Variants in PTPRD observed in about 807,000 individuals in gnomAD.
The protein encoded by PTPRD is receptor-type tyrosine-protein phosphatase delta.
In PTPRD, 34 loss-of-function variants were observed where a neutral mutation model predicts 214.5. The ratio of observed to expected loss-of-function variants is 0.16; its 90% CI spans 0.12 to 0.21. The LOEUF is 0.21. Ranked by LOEUF, PTPRD falls within the 10% of genes least tolerant of loss-of-function variation. PTPRD has a pLI of 1.00. For synonymous variants in PTPRD, 1,128 were observed against 845.7 expected, an observed-to-expected ratio of 1.33 and a Z score of -5.79; for missense variants, 2,545 against 2,398.7, an observed-to-expected ratio of 1.06 and a Z score of -1.27.
intron 5 of PTPRD, among the ~76,000 whole-genome samples, chr9:9,774,064 C>T (rs991304628): frequency 6.6e-6 from 1 of 152,170 alleles, no homozygotes; most frequent in Admixed American, 6.5e-5. Flanking sequence ...TCTGCCTTTG[C>T]ACTAAGGTCT....
At chr9:9,854,681 T>C (rs978815995) in intron 5 of PTPRD, among the ~76,000 whole-genome samples, 1 of 152,196 alleles carries the variant, frequency 6.6e-6, no homozygotes, top group African/African-American at 2.4e-5. Flanking sequence ...TCTAAATTGT[T>C]ATTTGAATTA....
At chr9:8,904,580 G>A (rs2098694417) in intron 11 of PTPRD, among the ~76,000 whole-genome samples, 1 of 151,806 alleles carries the variant, frequency 6.6e-6, no homozygotes, top group Non-Finnish European at 1.5e-5. Flanking sequence ...GCTGAGGCAT[G>A]GGAATCGCTT....
intron 8 of PTPRD, among the ~76,000 whole-genome samples, chr9:9,428,203 G>A (rs1011700830): frequency 1.1e-4 from 17 of 152,014 alleles, no homozygotes; most frequent in Admixed American, 3.3e-4. Flanking sequence ...TCAGAATAAA[G>A]GGATGGAGGA....
intron 4 of PTPRD, among the ~76,000 whole-genome samples, chr9:10,019,863 G>C (rs894357319): frequency 1.3e-5 from 2 of 151,982 alleles, no homozygotes; most frequent in African/African-American, 4.8e-5. Context: ...CACCAACATG[G>C]CATATGTATA....
At chr9:9,487,840 G>C (rs1176371198) in intron 8 of PTPRD, among the ~76,000 whole-genome samples, 1 of 152,118 alleles carries the variant, frequency 6.6e-6, no homozygotes, top group Non-Finnish European at 1.5e-5. Context: ...ATATCAGAAA[G>C]TATCCCTAAT....
At chr9:9,200,217 A>G (rs1381192716) in intron 9 of PTPRD, among the ~76,000 whole-genome samples, 3 of 152,226 alleles carry the variant, frequency 2.0e-5, no homozygotes, top group Non-Finnish European at 2.9e-5. Flanking sequence ...AGAAAGCAGA[A>G]ATCAGAAAAT....
chr9:9,324,264 C>T (rs1968498339), intron 9 of PTPRD, among the ~76,000 whole-genome samples: 1 of 152,198 alleles, frequency 6.6e-6, no homozygotes, highest in African/African-American at 2.4e-5. Flanking sequence ...GGAATCGCCA[C>T]ACTGTCTTCC....
intron 3 of PTPRD, among the ~76,000 whole-genome samples, chr9:10,336,422 C>A (rs1329231411): frequency 6.6e-6 from 1 of 151,210 alleles, no homozygotes; most frequent in Non-Finnish European, 1.5e-5. Context: ...TTTTTGTGGG[C>A]CAGAAAATGG....
In PTPRD at chr9:8,813,756, G is replaced by A. The variant is rs571335643; in HGVS notation, c.-103-79810C>T. Among the ~76,000 whole-genome samples the A allele has an allele frequency of 2.0e-5, 3 of 152,320 alleles. No individual in the cohort carries two copies. The South Asian group carries it at 6.2e-4, about 32-fold the overall frequency. ...TTACTCATTTGATAAATATACAAGA[G>A]ATGCTTTGCTGAGTTCCTGAGCTAC... On this transcript the variant is annotated intron_variant, in intron 11 of 45. Transcript: ENST00000381196.
chr9:10,478,859 G>GA (rs2099079439), intron 2 of PTPRD, among the ~76,000 whole-genome samples: 1 of 151,588 alleles, frequency 6.6e-6, no homozygotes, highest in African/African-American at 2.4e-5. Flanking sequence ...AGAAAATTCA[G>GA]AAAAATATTA....
chr9:10,354,562 T>A (rs952869675), intron 2 of PTPRD, among the ~76,000 whole-genome samples: 3 of 152,220 alleles, frequency 2.0e-5, no homozygotes, highest in African/African-American at 7.2e-5. Flanking sequence ...TTAAGTTCTT[T>A]GACTCTCAAA....
intron 3 of PTPRD, among the ~76,000 whole-genome samples, chr9:10,043,965 T>C (rs1203990712): frequency 6.6e-6 from 1 of 151,906 alleles, no homozygotes; most frequent in African/African-American, 2.4e-5. Flanking sequence ...TTTTATTATT[T>C]GTAACACAGA....
intron 35 of PTPRD, 57 bp downstream of exon 35, chr9:8,436,535 A>G (rs1590376553): frequency 1.5e-6 from 2 of 1,362,430 alleles, no homozygotes; most frequent in African/African-American, 2.9e-5. Flanking sequence ...GAATATGGTC[A>G]AAAAAAGAGA....
At chr9:8,781,946 G>C (rs1028912027) in intron 11 of PTPRD, among the ~76,000 whole-genome samples, 1 of 151,874 alleles carries the variant, frequency 6.6e-6, no homozygotes, top group South Asian at 2.1e-4. Context: ...TAAAAGTATG[G>C]TGTTAGCAGT....
intron 39 of PTPRD, among the ~76,000 whole-genome samples, chr9:8,372,102 T>C (rs116779698): frequency 0.02 from 2,981 of 152,138 alleles, 80 homozygotes; most frequent in African/African-American, 0.065. Context: ...CTCTAACACA[T>C]AGCATCAACA....
At chr9:9,280,960 A>G (rs1235615530) in intron 9 of PTPRD, among the ~76,000 whole-genome samples, 1 of 151,336 alleles carries the variant, frequency 6.6e-6, no homozygotes, top group East Asian at 2.0e-4. Flanking sequence ...GCCAAGAAGT[A>G]GATCCACATA....
In PTPRD at chr9:10,561,316, A is replaced by AT. The variant is rs1334972916; in HGVS notation, c.-600+51081dup. Among the ~76,000 whole-genome samples the AT allele has an allele frequency of 2.6e-5, 4 of 152,286 alleles. No individual in the cohort carries two copies. In the East Asian group the frequency reaches 7.7e-4, roughly 29 times the overall value. ...CCTGAAGCACTTATTTAACAAGTAT[A>AT]TTTAAGATATGGTAGCAAATGTAAA... On this transcript the variant is annotated intron_variant, in intron 2 of 45. Coordinates refer to ENST00000381196, the MANE Select transcript of PTPRD (RefSeq NM_002839.4).
chr9:8,677,469 A>G (rs1213973346), intron 12 of PTPRD, among the ~76,000 whole-genome samples: 3 of 152,200 alleles, frequency 2.0e-5, no homozygotes, highest in African/African-American at 7.2e-5. Flanking sequence ...GGAGCTAAAC[A>G]TTGAGTACAC....
At chr9:10,118,491 T>G (rs563324916) in intron 3 of PTPRD, among the ~76,000 whole-genome samples, 48 of 151,750 alleles carry the variant, frequency 3.2e-4, no homozygotes, top group Non-Finnish European at 4.9e-4. Flanking sequence ...TGACACATAA[T>G]AAAGATTCAA....
Sources: gnomAD v4.1 joint callset for allele counts (sites outside exome capture counted in the v4.1 genomes callset) on GRCh38, gnomAD v4.1.1 for gene constraint, MANE v1.5 for transcripts, NCBI Gene and HGNC (gene_info 2026-07-23, HGNC 2026-07-21) for gene names.